The following PALM2AKAP2 variants were observed in gnomAD, a reference collection of about 807,000 sequenced individuals.
PALM2AKAP2 encodes the protein PALM2-AKAP2 fusion protein.
A neutral mutation model predicts 71.5 loss-of-function variants in PALM2AKAP2; 37 were observed. That is an observed-to-expected ratio of 0.52 (90% CI 0.40 to 0.68). PALM2AKAP2 has a LOEUF of 0.68. Among genes scored for constraint, PALM2AKAP2 ranks in the 30% least tolerant of loss-of-function variants. The pLI is 0.00. For synonymous variants in PALM2AKAP2, 468 were observed against 478.8 expected, an observed-to-expected ratio of 0.98 and a Z score of 0.29; for missense variants, 1,224 against 1,191.8, an observed-to-expected ratio of 1.03 and a Z score of -0.40.
intron 1 of PALM2AKAP2, among the ~76,000 whole-genome samples, chr9:109,813,201 A>G (rs1564160471): frequency 6.6e-6 from 1 of 152,238 alleles, no homozygotes; most frequent in Non-Finnish European, 1.5e-5. Context: ...AGATTACCCC[A>G]GTTTTCCCAC....
At chr9:109,789,843 T>A (rs1827064032) in intron 1 of PALM2AKAP2, among the ~76,000 whole-genome samples, 2 of 152,228 alleles carry the variant, frequency 1.3e-5, no homozygotes, top group Non-Finnish European at 2.9e-5. Context: ...TCTCAGTATT[T>A]CTCATTAGTC....
chr9:109,850,554 A>C (rs963207087), intron 1 of PALM2AKAP2, among the ~76,000 whole-genome samples: 6 of 152,184 alleles, frequency 3.9e-5, no homozygotes, highest in African/African-American at 1.2e-4. Flanking sequence ...TCAGCTGGTG[A>C]GGATGAGAAA....
At chr9:109,869,792 T>C (rs529391566) in intron 2 of PALM2AKAP2, among the ~76,000 whole-genome samples, 2 of 152,228 alleles carry the variant, frequency 1.3e-5, no homozygotes, top group South Asian at 4.2e-4. Flanking sequence ...CTTGGTAAAA[T>C]TCTCACACAG....
intron 7 of PALM2AKAP2, among the ~76,000 whole-genome samples, chr9:110,032,060 G>GAA (rs560993508): frequency 1.4e-3 from 162 of 119,366 alleles, no homozygotes; most frequent in East Asian, 3.3e-3. Context: ...AGCTTACGGG[G>GAA]AAAAAAAAAA....
intron 6 of PALM2AKAP2, among the ~76,000 whole-genome samples, chr9:110,014,797 AAAAAAAATGTATATATATAT>A (rs1832942888): frequency 9.8e-5 from 6 of 61,352 alleles, no homozygotes; most frequent in East Asian, 4.8e-4. Flanking sequence ...AAAAAAAAAA[AAAAAAAATGTATATATATAT>A]ATATATATAT....
chr9:109,743,855 G>A (rs1828757816), intron 1 of PALM2AKAP2, among the ~76,000 whole-genome samples: 1 of 152,164 alleles, frequency 6.6e-6, no homozygotes, highest in Non-Finnish European at 1.5e-5. Context: ...TGCTTGGAAT[G>A]TCATAGGAAC....
At chr9:109,983,906 G>A (rs1423017948) in intron 6 of PALM2AKAP2, among the ~76,000 whole-genome samples, 1 of 151,936 alleles carries the variant, frequency 6.6e-6, no homozygotes, top group East Asian at 1.9e-4. Flanking sequence ...TTGTGAGTCA[G>A]ATGCTCAATG....
intron 1 of PALM2AKAP2, chr9:109,866,972 T>C (rs1829464492): frequency 2.2e-6 from 1 of 454,572 alleles, no homozygotes; most frequent in Non-Finnish European, 4.4e-6. Context: ...TATGTCCAAC[T>C]GGGTGATTTG....
chr9:110,053,144 C>A (rs1415434395), intron 1 of PALM2AKAP2, among the ~76,000 whole-genome samples: 1 of 152,148 alleles, frequency 6.6e-6, no homozygotes, highest in Non-Finnish European at 1.5e-5. Context: ...GCTGCCCTCG[C>A]CTCCTTTTCC....
chr9:110,003,496 T>C (rs1832720729), intron 6 of PALM2AKAP2, among the ~76,000 whole-genome samples: 2 of 152,214 alleles, frequency 1.3e-5, no homozygotes, highest in African/African-American at 4.8e-5. Context: ...CTGAAAAGAA[T>C]GTACATTCTC....
chr9:109,844,863 A>C (rs574777615), intron 1 of PALM2AKAP2, among the ~76,000 whole-genome samples: 1 of 151,692 alleles, frequency 6.6e-6, no homozygotes, highest in African/African-American at 2.4e-5. Context: ...GTCATACCTC[A>C]CCTGTGCTGT....
chr9:109,917,651 G>A (rs1261877905), intron 3 of PALM2AKAP2, among the ~76,000 whole-genome samples: 1 of 152,006 alleles, frequency 6.6e-6, no homozygotes, highest in Middle Eastern at 3.2e-3. Flanking sequence ...ACCATGCCCA[G>A]CTAACTTTTT....
intron 1 of PALM2AKAP2, among the ~76,000 whole-genome samples, chr9:109,740,791 C>CT (rs1478186325): frequency 1.3e-5 from 2 of 152,106 alleles, no homozygotes; most frequent in African/African-American, 2.4e-5. Flanking sequence ...GTAGCTGGGA[C>CT]TACAGGCGTG....
At chr9:110,121,804 G>C (rs1400356261) in intron 1 of PALM2AKAP2, among the ~76,000 whole-genome samples, 1 of 152,178 alleles carries the variant, frequency 6.6e-6, no homozygotes, top group Non-Finnish European at 1.5e-5. Context: ...AGTATCACCT[G>C]GTTTCCAAGG....
At chr9:110,038,900 C>CACTGA (rs111442358) in intron 7 of PALM2AKAP2, among the ~76,000 whole-genome samples, 94,299 of 142,858 alleles carry the variant, frequency 0.66, 31,695 homozygotes, top group African/African-American at 0.8. Context: ...GCGATTGTGC[C>CACTGA]ACTCCAGCCT....
At chr9:110,017,042 G>T (rs902769711) in intron 7 of PALM2AKAP2, among the ~76,000 whole-genome samples, 17 of 152,232 alleles carry the variant, frequency 1.1e-4, no homozygotes, top group African/African-American at 4.1e-4. Context: ...ACCGTGCCTG[G>T]CTAATTTTTT....
At chr9:109,726,862 A>G (rs1828485416) in intron 1 of PALM2AKAP2, among the ~76,000 whole-genome samples, 2 of 152,252 alleles carry the variant, frequency 1.3e-5, no homozygotes, top group African/African-American at 4.8e-5. Flanking sequence ...AACTCTAGCC[A>G]TATTTCAAGT....
chr9:110,127,463 G>A (rs1835633627), intron 1 of PALM2AKAP2, among the ~76,000 whole-genome samples: 1 of 152,168 alleles, frequency 6.6e-6, no homozygotes, highest in Admixed American at 6.5e-5. Flanking sequence ...TAGTTCCACA[G>A]GCCGGAAGAA....
intron 1 of PALM2AKAP2, among the ~76,000 whole-genome samples, chr9:110,054,469 G>A (rs1159363096): frequency 6.6e-6 from 1 of 152,108 alleles, no homozygotes; most frequent in Non-Finnish European, 1.5e-5. Flanking sequence ...GAAGCACCTT[G>A]TACATGTATT....
Sources: allele counts gnomAD v4.1 joint callset (sites outside exome capture counted in the v4.1 genomes callset), GRCh38; gene constraint gnomAD v4.1.1; transcripts MANE v1.5; gene names NCBI Gene and HGNC (gene_info 2026-07-23, HGNC 2026-07-21).